The following FSTL4 variants were observed in gnomAD, a reference collection of about 807,000 sequenced individuals.
The protein encoded by FSTL4 is follistatin like 4, also known as follistatin-related protein 4.
A neutral mutation model predicts 78.2 loss-of-function variants in FSTL4; 28 were observed. The observed-to-expected ratio is 0.36, with a 90% CI of 0.27 to 0.49. The LOEUF is 0.49. Ranked by LOEUF, FSTL4 falls within the 20% of genes least tolerant of loss-of-function variation. The pLI is 0.98. For synonymous variants in FSTL4, 422 were observed against 440.5 expected (o/e 0.96, Z 0.53); for missense variants, 922 against 1,084.9 (o/e 0.85, Z 2.11).
the FSTL4 span, among the ~76,000 whole-genome samples, chr5:133,662,650 G>A: frequency 0.018 from 2,693 of 152,300 alleles, 30 homozygotes; most frequent in Non-Finnish European, 0.027. Flanking sequence ...TGAAATCACA[G>A]AATCATTAGA....
chr5:133,733,499 T>C, the FSTL4 span, among the ~76,000 whole-genome samples: 1 of 152,128 alleles, frequency 6.6e-6, no homozygotes, highest in East Asian at 1.9e-4. Flanking sequence ...TTTCAGGAAA[T>C]AGAAAAGGCA....
the FSTL4 span, among the ~76,000 whole-genome samples, chr5:133,814,355 C>A: frequency 6.6e-6 from 1 of 152,294 alleles, no homozygotes; most frequent in South Asian, 2.1e-4. Context: ...CAAGCACGTT[C>A]CTGTCTTGGA....
intron 4 of FSTL4, among the ~76,000 whole-genome samples, chr5:133,355,523 G>C (rs1014322007): frequency 6.6e-6 from 1 of 152,164 alleles, no homozygotes; most frequent in Admixed American, 6.5e-5. Flanking sequence ...GGGTGTGGTG[G>C]CGCATGCCTA....
intron 4 of FSTL4, among the ~76,000 whole-genome samples, chr5:133,371,064 C>G (rs540980940): frequency 6.6e-6 from 1 of 152,364 alleles, no homozygotes; most frequent in South Asian, 2.1e-4. Flanking sequence ...CTCTGAATGC[C>G]TGGGTAGTTC....
rs970269472 is a variant in FSTL4, at chr5:133,264,132, C to T, written c.728-14556G>A. On this transcript the variant is annotated intron_variant, in intron 6 of 15. Transcript: ENST00000265342. ...ATCTGGTGGACGCAGCCTGAGGATGCCATGGAACAGCTCAAAATACACAGA... is the reference window on the plus strand; with the variant it reads ...ATCTGGTGGACGCAGCCTGAGGATGTCATGGAACAGCTCAAAATACACAGA... Among the ~76,000 whole-genome samples the T allele has an allele frequency of 7.2e-5, 11 of 152,150 alleles. No individual in the cohort carries two copies. In the East Asian group the frequency reaches 2.1e-3, roughly 29 times the overall value.
intron 6 of FSTL4, among the ~76,000 whole-genome samples, chr5:133,273,945 G>C (rs932375517): frequency 3.3e-5 from 5 of 152,204 alleles, no homozygotes; most frequent in African/African-American, 1.2e-4. Flanking sequence ...TGAGCTCAGA[G>C]AGTCAGCTTG....
intron 4 of FSTL4, among the ~76,000 whole-genome samples, chr5:133,357,522 T>C (rs1754967852): frequency 6.6e-6 from 1 of 152,160 alleles, no homozygotes; most frequent in Non-Finnish European, 1.5e-5. Context: ...TCAATGTCTG[T>C]TTACAGTTTA....
chr5:133,526,775 C>T (rs11741183), intron 3 of FSTL4, among the ~76,000 whole-genome samples: 1 of 151,862 alleles, frequency 6.6e-6, no homozygotes, highest in Non-Finnish European at 1.5e-5. Flanking sequence ...GGGATGAATG[C>T]GAAACAGGAG....
intron 6 of FSTL4, among the ~76,000 whole-genome samples, chr5:133,257,126 A>G (rs1417841887): frequency 1.3e-5 from 2 of 152,354 alleles, no homozygotes; most frequent in African/African-American, 2.4e-5. Flanking sequence ...GCTAGTGCTC[A>G]GTCAACAATT....
intron 3 of FSTL4, among the ~76,000 whole-genome samples, chr5:133,522,932 C>T (rs753889630): frequency 2.6e-4 from 39 of 152,204 alleles, no homozygotes; most frequent in Admixed American, 6.5e-4. Flanking sequence ...ATTAAGGCAT[C>T]GGAAAAAGTG....
At chr5:133,605,060 G>A (rs758662193) in intron 1 of FSTL4, among the ~76,000 whole-genome samples, 18 of 152,228 alleles carry the variant, frequency 1.2e-4, no homozygotes, top group Non-Finnish European at 1.6e-4. Context: ...CTGAGGAAAT[G>A]AGGATACAGA....
chr5:133,727,233 A>G, the FSTL4 span, among the ~76,000 whole-genome samples: 1 of 152,196 alleles, frequency 6.6e-6, no homozygotes, highest in South Asian at 2.1e-4. Flanking sequence ...GGGCATTTTA[A>G]TGACTATAAG....
chr5:133,539,350 C>G lies in FSTL4; in HGVS notation c.160+27836G>C, dbSNP rs144785292. On this transcript the variant is annotated intron_variant, in intron 3 of 15. Coordinates refer to ENST00000265342, the MANE Select transcript of FSTL4 (RefSeq NM_015082.2). Reference sequence around the variant, plus strand: ...AGTGCAGCAGCACAAAATCCAGGATCGAAATCAGGTTATCTGTTATCTAAA... The same window carrying G: ...AGTGCAGCAGCACAAAATCCAGGATGGAAATCAGGTTATCTGTTATCTAAA... Among the ~76,000 whole-genome samples the G allele has an allele frequency of 1.3e-3, 192 of 152,136 alleles. 4 individuals carry two copies. The highest frequency in any genetic ancestry group is 3.4e-4 in the Non-Finnish European group (23 of 68,010).
At chr5:133,827,188 C>T in the FSTL4 span, among the ~76,000 whole-genome samples, 1 of 152,172 alleles carries the variant, frequency 6.6e-6, no homozygotes, top group South Asian at 2.1e-4. Context: ...TCTGCCTCAG[C>T]GCCCCCAGCA....
chr5:133,810,923 T>C, the FSTL4 span, among the ~76,000 whole-genome samples: 1 of 152,234 alleles, frequency 6.6e-6, no homozygotes, highest in Non-Finnish European at 1.5e-5. Context: ...TCCAGCTTGC[T>C]TGTCTATGCT....
intron 4 of FSTL4, among the ~76,000 whole-genome samples, chr5:133,343,671 A>G (rs548878672): frequency 6.6e-6 from 1 of 152,344 alleles, no homozygotes; most frequent in East Asian, 1.9e-4. Flanking sequence ...TCAAGGCAGT[A>G]AGAGACATTT....
At chr5:133,752,817 C>A in the FSTL4 span, among the ~76,000 whole-genome samples, 3 of 152,148 alleles carry the variant, frequency 2.0e-5, no homozygotes, top group African/African-American at 7.2e-5. Context: ...GAATCTCACA[C>A]AGAGAAAAGC....
intron 3 of FSTL4, among the ~76,000 whole-genome samples, chr5:133,529,227 T>C (rs530866066): frequency 4.2e-4 from 64 of 152,338 alleles, no homozygotes; most frequent in Admixed American, 6.5e-4. Context: ...GCATTCCCTG[T>C]GAATACCCAA....
chr5:133,729,644 C>T, the FSTL4 span, among the ~76,000 whole-genome samples: 1 of 152,226 alleles, frequency 6.6e-6, no homozygotes, highest in Admixed American at 6.5e-5. Context: ...ACATTCATTC[C>T]TCCCACCTCA....
Sources: allele counts gnomAD v4.1 joint callset (sites outside exome capture counted in the v4.1 genomes callset), GRCh38; gene constraint gnomAD v4.1.1; transcripts MANE v1.5; gene names NCBI Gene and HGNC (gene_info 2026-07-23, HGNC 2026-07-21).